MGAT1: variants seen among roughly 807,000 people sequenced by gnomAD.
MGAT1 encodes the protein N-glycosyl-oligosaccharide-glycoprotein N-acetylglucosaminyltransferase I.
In MGAT1, 14 loss-of-function variants were observed where a neutral mutation model predicts 31.7. The ratio of observed to expected loss-of-function variants is 0.44; its 90% CI spans 0.29 to 0.69. The LOEUF (loss-of-function observed/expected upper bound fraction) is 0.69. Among genes scored for constraint, MGAT1 ranks in the 30% least tolerant of loss-of-function variants. The pLI, the probability that MGAT1 is intolerant of heterozygous loss-of-function variation, is 0.12. For synonymous variants in MGAT1, 338 were observed against 276.0 expected (o/e 1.22, Z -2.23); for missense variants, 557 against 626.0 (o/e 0.89, Z 1.18).
chr5:180,799,408 G>C (rs1488543909), intron 1 of MGAT1, among the ~76,000 whole-genome samples: 2 of 152,078 alleles, frequency 1.3e-5, no homozygotes, highest in African/African-American at 2.4e-5. Flanking sequence ...ATCCTTTCAG[G>C]CCACTTCAGG....
At chr5:180,807,739 C>A (rs371489175), upstream of MGAT1, among the ~76,000 whole-genome samples, 1 of 152,238 alleles carries the variant, frequency 6.6e-6, no homozygotes, top group South Asian at 2.1e-4. Flanking sequence ...ATCTATTCAC[C>A]TGTTCTACAA....
chr5:180,812,173 A>G (rs1437529586), intron 1 of MGAT1, among the ~76,000 whole-genome samples: 4 of 152,238 alleles, frequency 2.6e-5, no homozygotes, highest in Admixed American at 1.3e-4. Flanking sequence ...TGGCTGCAAC[A>G]GTTGGCTGGC....
At chr5:180,809,431 T>C (rs1772295070) in intron 1 of MGAT1, 1 of 152,222 alleles carries the variant, frequency 6.6e-6, no homozygotes. Flanking sequence ...CCCTTTCTCC[T>C]GCCCTCCTGT....
At chr5:180,798,380 C>T (rs1031599110) in intron 1 of MGAT1, among the ~76,000 whole-genome samples, 2 of 152,138 alleles carry the variant, frequency 1.3e-5, no homozygotes, top group African/African-American at 2.4e-5. Flanking sequence ...CACTCTGATT[C>T]GTGTCTCTGC....
At chr5:180,804,191 G>A (rs879748141), upstream of MGAT1, among the ~76,000 whole-genome samples, 8 of 152,232 alleles carry the variant, frequency 5.3e-5, no homozygotes, top group African/African-American at 1.4e-4. Context: ...TCTGCGGAGT[G>A]AGCGTTATCA....
chr5:180,792,521 C>T lies in MGAT1; in HGVS notation c.451G>A (p.Ala151Thr), dbSNP rs1768400979. The change falls in exon 2 of 2, where the codon GCC becomes ACC. Residue 151 changes from alanine (A) to threonine (T), a missense_variant. Coordinates refer to ENST00000307826, the MANE Select transcript of MGAT1 (RefSeq NM_002406.4). Reference protein sequence around the residue: ...QDCGHEETAQAIASYGSAVTH... With the variant: ...QDCGHEETAQTIASYGSAVTH... The stretch of plus-strand genomic sequence containing the variant: ...ACCGCGCTGCCGTAGGAGGCGATGG[C>T]CTGGGCCGTCTCCTCGTGCCCGCAG... 2 of 1,612,910 alleles carry T rather than the reference C, an allele frequency of 1.2e-6. No homozygotes were observed. The highest frequency in any genetic ancestry group is 2.7e-5 in the African/African-American group (2 of 74,934).
chr5:180,799,652 T>G (rs778516922), intron 1 of MGAT1, among the ~76,000 whole-genome samples: 2 of 152,200 alleles, frequency 1.3e-5, no homozygotes, highest in African/African-American at 2.4e-5. Context: ...GGGAGAAAGA[T>G]GGCCAACGCA....
chr5:180,807,343 CTG>C (rs1366894177), upstream of MGAT1, among the ~76,000 whole-genome samples: 1 of 152,148 alleles, frequency 6.6e-6, no homozygotes, highest in African/African-American at 2.4e-5. Context: ...CTCCTTTCTG[CTG>C]TGTGTTGTCC....
chr5:180,785,313 A>G lies in MGAT1; in HGVS notation c.*6321T>C, dbSNP rs994432366. On this transcript the variant is annotated 3_prime_UTR_variant, in exon 2 of 2. Coordinates refer to ENST00000307826, the MANE Select transcript of MGAT1 (RefSeq NM_002406.4). ...TTCTGGTTTCTACTGTTGCTCAGCA[A>G]ACTCCCGCAGAACTCAGCAGCTTAA... is the stretch of plus-strand genomic sequence containing the variant. 1.3e-5 allele frequency: 2 copies of G among 152,254 alleles called. No individual in the cohort carries two copies. Among genetic ancestry groups the G allele is most frequent in the African/African-American group, 4.8e-5 (2 of 41,474 alleles). 9.4% of individuals were successfully genotyped at this position (152,254 alleles called of 1,614,324 possible). A position where few individuals can be genotyped will look rare whatever the true frequency, so the allele number is the denominator to read the frequency against.
intron 1 of MGAT1, chr5:180,809,315 T>G (rs993195300): frequency 6.6e-6 from 1 of 152,068 alleles, no homozygotes; most frequent in East Asian, 1.9e-4. Flanking sequence ...ATAAACATAT[T>G]ATATGTATGT....
At chr5:180,813,570 A>G (rs1011131187) in intron 1 of MGAT1, among the ~76,000 whole-genome samples, 3 of 152,208 alleles carry the variant, frequency 2.0e-5, no homozygotes, top group Non-Finnish European at 4.4e-5. Context: ...CAGAATAAAC[A>G]CTTAGGAGTA....
chr5:180,797,807 A>G (rs1462559378), intron 1 of MGAT1, among the ~76,000 whole-genome samples: 1 of 152,324 alleles, frequency 6.6e-6, no homozygotes, highest in East Asian at 1.9e-4. Context: ...CTGTTGCCAT[A>G]AGAGGACATG....
chr5:180,796,613 T>C (rs558063291), intron 1 of MGAT1, among the ~76,000 whole-genome samples: 1 of 152,224 alleles, frequency 6.6e-6, no homozygotes, highest in East Asian at 1.9e-4. Context: ...TTCAGTTTTT[T>C]TTCTTTTTTT....
chr5:180,810,305 C>G (rs114287048), intron 1 of MGAT1: 6 of 152,330 alleles, frequency 3.9e-5, no homozygotes, highest in South Asian at 2.1e-4. Context: ...ACCGCCACCA[C>G]GGGAGCGAGG....
At position 180,785,180 on chromosome 5, in the gene MGAT1, G is replaced by C. The variant is rs1036875522; in HGVS notation, c.*6454C>G. On this transcript the variant is annotated 3_prime_UTR_variant, in exon 2 of 2. Transcript: ENST00000307826. ...ACACTGCTCCCCACCCTTGGATGCT[G>C]ATGAGTAAATGTTTTAAAATTCTAT... The C allele has an allele frequency of 6.6e-6, 1 of 152,226 alleles. No homozygotes were observed. The highest frequency in any genetic ancestry group is 2.4e-5 in the African/African-American group (1 of 41,470). The allele number at this position is 152,226 out of a possible 1,614,324, so 9.4% of individuals were successfully genotyped here.
chr5:180,805,233 ATTATCCAGGAGGATAAACAGTCACAAG>A (rs60873023), upstream of MGAT1, among the ~76,000 whole-genome samples: 35,748 of 151,946 alleles, frequency 0.24, 4,510 homozygotes, highest in South Asian at 0.37. Context: ...ATTAGACCAG[ATTATCCAGGAGGATAAACAGTCACAAG>A]ATTAGGCAGA....
chr5:180,810,669 AC>A (rs778196944), intron 1 of MGAT1: 105 of 105,418 alleles, frequency 1.0e-3, no homozygotes, highest in South Asian at 2.4e-3. Context: ...AAAAAGGGTG[AC>A]CCCCCCCCTC....
intron 1 of MGAT1, chr5:180,809,991 C>G (rs1223891329): frequency 6.6e-6 from 1 of 152,206 alleles, no homozygotes; most frequent in Non-Finnish European, 1.5e-5. Flanking sequence ...CTGACCCCCA[C>G]CCGTCCGCCC....
upstream of MGAT1, among the ~76,000 whole-genome samples, chr5:180,804,172 C>T (rs980853914): frequency 3.9e-5 from 6 of 152,312 alleles, no homozygotes; most frequent in African/African-American, 1.4e-4. Flanking sequence ...TCCTTCAAGC[C>T]TCAGCAGCTC....
Sources: gnomAD v4.1 joint callset for allele counts (sites outside exome capture counted in the v4.1 genomes callset) on GRCh38, gnomAD v4.1.1 for gene constraint, MANE v1.5 for transcripts, NCBI Gene and HGNC (gene_info 2026-07-23, HGNC 2026-07-21) for gene names.